The following PCDHA1 variants were observed in gnomAD, a reference collection of about 807,000 sequenced individuals.
PCDHA1 encodes protocadherin alpha-1.
Under a neutral mutation model 61.3 loss-of-function variants are expected in PCDHA1, and 42 were observed. That is an observed-to-expected ratio of 0.69 (90% CI 0.54 to 0.89). PCDHA1 has a LOEUF of 0.89. Among genes scored for constraint, PCDHA1 ranks in the 40% least tolerant of loss-of-function variants. PCDHA1 has a pLI of 0.00. For missense variants in PCDHA1, 1,256 were observed against 1,235.3 expected, an observed-to-expected ratio of 1.02 and a Z score of -0.25; for synonymous variants, 610 against 553.8, an observed-to-expected ratio of 1.10 and a Z score of -1.43.
At chr5:140,856,890 G>T in intron 1 of PCDHA1, 2 of 1,596,172 alleles carry the variant, frequency 1.3e-6, no homozygotes, top group Non-Finnish European at 1.7e-6. Context: ...TATTCATTTA[G>T]CTCTTTGGTC....
At chr5:140,842,856 C>A (rs2150346481) in intron 1 of PCDHA1, 3 of 1,593,922 alleles carry the variant, frequency 1.9e-6, no homozygotes, top group South Asian at 2.2e-5. Flanking sequence ...TCGGTGCACA[C>A]GGAGAGCGGC....
chr5:140,844,506 G>T (rs1779414039), intron 1 of PCDHA1, among the ~76,000 whole-genome samples: 1 of 148,856 alleles, frequency 6.7e-6, no homozygotes, highest in South Asian at 2.1e-4. Context: ...CTTTATTCTT[G>T]CAAGTATCTT....
intron 1 of PCDHA1, chr5:140,823,264 C>G (rs1052475502): frequency 3.1e-5 from 50 of 1,612,792 alleles, no homozygotes; most frequent in Non-Finnish European, 4.2e-5. Flanking sequence ...GGTGGAGCGG[C>G]GGGTGGGCGA....
At chr5:140,891,409 C>T (rs1295005747) in intron 1 of PCDHA1, among the ~76,000 whole-genome samples, 1 of 148,202 alleles carries the variant, frequency 6.7e-6, no homozygotes, top group Non-Finnish European at 1.5e-5. Context: ...CGCCACCCCC[C>T]ACTCTTGCCC....
intron 1 of PCDHA1, among the ~76,000 whole-genome samples, chr5:140,977,672 A>G (rs1404527905): frequency 6.6e-6 from 1 of 152,202 alleles, no homozygotes; most frequent in East Asian, 1.9e-4. Flanking sequence ...TGCATGCCAA[A>G]TATCATGTAG....
chr5:140,803,866 CAA>C, intron 1 of PCDHA1: 1 of 568,118 alleles, frequency 1.8e-6, no homozygotes, highest in Non-Finnish European at 3.1e-6. Flanking sequence ...GGGTATAAGA[CAA>C]ATATTTTTTC....
At chr5:140,900,575 C>A (rs994036757) in intron 1 of PCDHA1, among the ~76,000 whole-genome samples, 5 of 152,330 alleles carry the variant, frequency 3.3e-5, no homozygotes, top group African/African-American at 1.2e-4. Flanking sequence ...CGGCACCGGC[C>A]CATTTTCTTT....
rs2150253260 is a variant in PCDHA1, at chr5:140,836,120, G to C, written c.2394+47436G>C. 16 of 1,613,628 alleles carry C rather than the reference G, an allele frequency of 9.9e-6. No individual in the cohort carries two copies. The African/African-American group carries it at 1.7e-4, about 18-fold the overall frequency. Reference sequence around the variant, plus strand: ...GTGGCACTGGTGGCGCAGTGAGAGAGCTTGTGCCGCGGTCTGTGGGCGCGG... The same window carrying C: ...GTGGCACTGGTGGCGCAGTGAGAGACCTTGTGCCGCGGTCTGTGGGCGCGG... On this transcript the variant is annotated intron_variant, in intron 1 of 3. Coordinates refer to ENST00000504120, the MANE Select transcript of PCDHA1 (RefSeq NM_018900.4).
intron 1 of PCDHA1, chr5:140,858,165 C>T: frequency 6.3e-7 from 1 of 1,597,786 alleles, no homozygotes; most frequent in Non-Finnish European, 8.6e-7. Context: ...TGCGCGGTGT[C>T]CAGCTTGCTG....
chr5:140,793,945 A>G (rs1432344421), intron 1 of PCDHA1, among the ~76,000 whole-genome samples: 3 of 152,264 alleles, frequency 2.0e-5, no homozygotes, highest in African/African-American at 7.2e-5. Context: ...ATATATACAC[A>G]TATATTTTCA....
chr5:140,797,621 G>T, intron 1 of PCDHA1: 1 of 478,228 alleles, frequency 2.1e-6, no homozygotes. Flanking sequence ...AAACACCTCA[G>T]CAAAATTTGT....
intron 1 of PCDHA1, among the ~76,000 whole-genome samples, chr5:140,972,660 A>ATTT (rs11350929): frequency 1.0e-4 from 12 of 117,258 alleles, no homozygotes; most frequent in Non-Finnish European, 1.7e-4. Flanking sequence ...AAGAAACCAA[A>ATTT]TTTTTTTTTT....
intron 1 of PCDHA1, chr5:140,870,745 G>C (rs369212308): frequency 1.9e-6 from 3 of 1,613,530 alleles, no homozygotes; most frequent in Non-Finnish European, 2.5e-6. Context: ...GAGCAGCAAC[G>C]TGACGCTGCA....
intron 3 of PCDHA1, among the ~76,000 whole-genome samples, chr5:141,002,004 A>G (rs1386748835): frequency 2.0e-5 from 3 of 152,210 alleles, no homozygotes; most frequent in Non-Finnish European, 4.4e-5. Context: ...TTGCAAACAC[A>G]GAATCTGCAC....
intron 1 of PCDHA1, among the ~76,000 whole-genome samples, chr5:140,879,652 TAACA>T (rs2058069934): frequency 6.6e-6 from 1 of 152,226 alleles, no homozygotes; most frequent in African/African-American, 2.4e-5. Context: ...GTGGCTGCTA[TAACA>T]AACGAACACA....
At chr5:140,970,366 A>G (rs1438755786) in intron 1 of PCDHA1, among the ~76,000 whole-genome samples, 2 of 152,196 alleles carry the variant, frequency 1.3e-5, no homozygotes, top group Admixed American at 1.3e-4. Context: ...TTGATTTGCT[A>G]TAGCTTCAAA....
At chr5:140,806,720 C>G (rs1554123668) in intron 1 of PCDHA1, among the ~76,000 whole-genome samples, 2 of 152,176 alleles carry the variant, frequency 1.3e-5, no homozygotes, top group Non-Finnish European at 2.9e-5. Flanking sequence ...TTCTAATCAA[C>G]AGTTTACAGT....
chr5:140,798,543 T>G (rs1158253474), intron 1 of PCDHA1, among the ~76,000 whole-genome samples: 1 of 152,222 alleles, frequency 6.6e-6, no homozygotes, highest in Non-Finnish European at 1.5e-5. Context: ...TCATTATCAT[T>G]AGGCCAATGT....
intron 3 of PCDHA1, among the ~76,000 whole-genome samples, chr5:140,992,716 G>A (rs1554253146): frequency 6.6e-6 from 1 of 152,160 alleles, no homozygotes; most frequent in African/African-American, 2.4e-5. Flanking sequence ...GCCAGTATTC[G>A]TAAATCCCAC....
Sources: gnomAD v4.1 joint callset for allele counts (sites outside exome capture counted in the v4.1 genomes callset) on GRCh38, gnomAD v4.1.1 for gene constraint, MANE v1.5 for transcripts, NCBI Gene and HGNC (gene_info 2026-07-23, HGNC 2026-07-21) for gene names.